The following FRMPD4 variants were observed in gnomAD, a reference collection of about 807,000 sequenced individuals.
FRMPD4 encodes FERM and PDZ domain containing 4, also known as FERM and PDZ domain-containing protein 4.
In FRMPD4, 22 loss-of-function variants were observed where a neutral mutation model predicts 94.1. That is an observed-to-expected ratio of 0.23 (90% CI 0.17 to 0.33). The LOEUF (loss-of-function observed/expected upper bound fraction) is 0.33, where lower values mean the gene tolerates loss of function less well. Among genes scored for constraint, FRMPD4 ranks in the 10% least tolerant of loss-of-function variants. FRMPD4 has a pLI of 1.00. For missense variants in FRMPD4, 1,111 were observed against 1,339.9 expected (o/e 0.83, Z 2.67); for synonymous variants, 631 against 548.6 (o/e 1.15, Z -2.10).
chrX:11,869,770 T>C (rs756687401), intron 2 of FRMPD4, among the ~76,000 whole-genome samples: 1 of 111,859 alleles, frequency 8.9e-6, no homozygotes, highest in Non-Finnish European at 1.9e-5. Context: ...CTTGATTAAG[T>C]TAGAATCAAT....
chrX:12,642,937 A>G (rs1168964347), intron 4 of FRMPD4, among the ~76,000 whole-genome samples: 1 of 111,282 alleles, frequency 9.0e-6, no homozygotes, highest in Non-Finnish European at 1.9e-5. Context: ...AGAAACACAC[A>G]TTACCTGTGG....
chrX:11,916,188 C>A (rs978476728), intron 3 of FRMPD4, among the ~76,000 whole-genome samples: 2 of 111,182 alleles, frequency 1.8e-5, no homozygotes, highest in Non-Finnish European at 3.8e-5. Flanking sequence ...AGAAATTACA[C>A]GGTATATTTG....
chrX:12,414,712 TC>T (rs1288439049), intron 1 of FRMPD4, among the ~76,000 whole-genome samples: 1 of 111,613 alleles, frequency 9.0e-6, no homozygotes. Flanking sequence ...AAGAGCAACT[TC>T]AGTAGAAGAG....
chrX:11,991,276 G>T (rs1371898294), intron 3 of FRMPD4, among the ~76,000 whole-genome samples: 1 of 111,557 alleles, frequency 9.0e-6, no homozygotes, highest in African/African-American at 3.3e-5. Context: ...ATTTTAGGTT[G>T]TGTCTGCTAC....
chrX:12,049,800 A>G (rs1172656829), intron 3 of FRMPD4, among the ~76,000 whole-genome samples: 2 of 111,590 alleles, frequency 1.8e-5, no homozygotes, highest in Non-Finnish European at 3.8e-5. Flanking sequence ...AAGGTGAAAG[A>G]CAATGATAGT....
intron 3 of FRMPD4, among the ~76,000 whole-genome samples, chrX:11,964,285 G>A (rs761997634): frequency 3.9e-4 from 43 of 109,734 alleles, no homozygotes; most frequent in African/African-American, 1.4e-3. Context: ...TCAGCCTCCC[G>A]AGTAGCTGGG....
At chrX:12,617,101 G>A (rs766494305) in intron 4 of FRMPD4, among the ~76,000 whole-genome samples, 1 of 111,874 alleles carries the variant, frequency 8.9e-6, no homozygotes, top group African/African-American at 3.3e-5. Flanking sequence ...TAAAAAAAGC[G>A]CTCTCTATAG....
rs745675735 is a variant in FRMPD4, at chrX:12,717,636, T to G, written c.2810T>G (p.Leu937Trp). The change falls in exon 16 of 17, where the codon TTG (leucine) becomes TGG (tryptophan). Residue 937 changes from leucine to tryptophan, a missense_variant. Leu to Trp is a moderately conservative substitution (Grantham distance 61). Around this residue, in one of 8 missense-constraint regions of FRMPD4, gnomAD observed 551 missense variants for 591.6 expected, o/e 0.93. Coordinates refer to ENST00000675598, the MANE Select transcript of FRMPD4 (RefSeq NM_001368397.1). Reference sequence around the variant, plus strand: ...TCAGAAAACCTCTCCCGCATGTTCTTGGCCACTCACGAAGGCTACCACCCC... The same window carrying G: ...TCAGAAAACCTCTCCCGCATGTTCTGGGCCACTCACGAAGGCTACCACCCC... ...KQSENLSRMF[L>W]ATHEGYHPLA... 14 of 1,209,240 alleles carry G rather than the reference T, an allele frequency of 1.2e-5. No individual in the cohort carries two copies. Among genetic ancestry groups the G allele is most frequent in the Non-Finnish European group, 1.6e-5 (14 of 894,343 alleles).
At chrX:12,214,788 A>T (rs5935269) in intron 1 of FRMPD4, among the ~76,000 whole-genome samples, 51,034 of 111,013 alleles carry the variant, frequency 0.46, 8,337 homozygotes, top group Non-Finnish European at 0.51. Context: ...CCTTATAAAA[A>T]CAATTATATG....
intron 1 of FRMPD4, among the ~76,000 whole-genome samples, chrX:12,229,857 C>G (rs1268874501): frequency 8.9e-6 from 1 of 112,248 alleles, no homozygotes; most frequent in East Asian, 2.8e-4. Context: ...AGCATCTGCC[C>G]TACAACCTGC....
At chrX:12,523,671 A>T (rs1053752993) in intron 2 of FRMPD4, among the ~76,000 whole-genome samples, 2 of 111,060 alleles carry the variant, frequency 1.8e-5, no homozygotes, top group African/African-American at 6.6e-5. Flanking sequence ...ACTCCACTGA[A>T]TTGTAAGAGG....
At chrX:12,630,978 A>C (rs996899609) in intron 4 of FRMPD4, among the ~76,000 whole-genome samples, 13 of 111,563 alleles carry the variant, frequency 1.2e-4, no homozygotes, top group African/African-American at 3.9e-4. Context: ...GACCTTCTTC[A>C]TTTTATGGCT....
rs769418082 is a variant in FRMPD4, at chrX:12,445,476, A to G, written c.42-53204A>G. 1.7e-3 allele frequency among the ~76,000 whole-genome samples: 187 copies of G among 112,718 alleles called. 1 individual carries two copies. Among genetic ancestry groups the G allele is most frequent in the Non-Finnish European group, 3.1e-3 (164 of 53,313 alleles). ...AAGATGTGCAAAAACAGATTTGGGA[A>G]TAATAATCAGATCATTTGTTGAATG... is the stretch of plus-strand genomic sequence containing the variant. On this transcript the variant is annotated intron_variant, in intron 1 of 16. Coordinates refer to ENST00000675598, the MANE Select transcript of FRMPD4 (RefSeq NM_001368397.1).
intron 2 of FRMPD4, among the ~76,000 whole-genome samples, chrX:12,517,316 A>C (rs759680978): frequency 1.1e-5 from 1 of 88,968 alleles, no homozygotes; most frequent in South Asian, 5.0e-4. Flanking sequence ...TTTTTTGTTG[A>C]TTCGTTCTAA....
chrX:11,972,970 A>C (rs2147382258), intron 3 of FRMPD4, among the ~76,000 whole-genome samples: 1 of 112,246 alleles, frequency 8.9e-6, no homozygotes, highest in South Asian at 3.7e-4. Context: ...TAAGATTCTT[A>C]TTTGTCTACA....
chrX:12,069,478 G>A (rs2054948177), intron 3 of FRMPD4, among the ~76,000 whole-genome samples: 1 of 111,965 alleles, frequency 8.9e-6, no homozygotes. Flanking sequence ...CCACAGCAGA[G>A]GTGCCGAGAA....
intron 1 of FRMPD4, among the ~76,000 whole-genome samples, chrX:12,446,208 C>T (rs1465635083): frequency 1.8e-5 from 2 of 112,196 alleles, no homozygotes; most frequent in Non-Finnish European, 3.8e-5. Flanking sequence ...TCAGGACATA[C>T]ATATGTACAT....
intron 1 of FRMPD4, among the ~76,000 whole-genome samples, chrX:12,182,588 A>G (rs368846920): frequency 6.9e-4 from 76 of 110,193 alleles, no homozygotes; most frequent in African/African-American, 2.4e-3. Context: ...ATATATATAT[A>G]TATGTCATCA....
chrX:12,420,436 T>A (rs2056867688), intron 1 of FRMPD4, among the ~76,000 whole-genome samples: 1 of 111,815 alleles, frequency 8.9e-6, no homozygotes, highest in South Asian at 3.8e-4. Flanking sequence ...ATTCACTATT[T>A]CTTCAAGGCC....
Sources: allele counts gnomAD v4.1 joint callset (sites outside exome capture counted in the v4.1 genomes callset), GRCh38; gene constraint gnomAD v4.1.1; regional missense constraint gnomAD v4.1.1; transcripts MANE v1.5; gene names NCBI Gene and HGNC (gene_info 2026-07-23, HGNC 2026-07-21).